The following RGS7 variants were observed in gnomAD, a reference collection of about 807,000 sequenced individuals.
The protein encoded by RGS7 is regulator of G protein signaling 7.
RGS7 carries 27 observed loss-of-function variants against 81.1 expected under a neutral mutation model. That is an observed-to-expected ratio of 0.33 (90% CI 0.25 to 0.46). The LOEUF (loss-of-function observed/expected upper bound fraction) is 0.46, where lower values mean the gene tolerates loss of function less well. RGS7 is among the 20% of genes least tolerant of loss of function. The probability of loss-of-function intolerance (pLI) is 1.00; values close to 1 mark genes in which losing one functional copy is unlikely to be tolerated. For synonymous variants in RGS7, 208 were observed against 207.7 expected, an observed-to-expected ratio of 1.00 and a Z score of -0.01; for missense variants, 396 against 607.4, an observed-to-expected ratio of 0.65 and a Z score of 3.66.
In RGS7 at chr1:241,164,584, G is replaced by A. The variant is rs966376107; in HGVS notation, c.79-65822C>T. On this transcript the variant is annotated intron_variant, in intron 2 of 18. Coordinates refer to ENST00000440928, the MANE Select transcript of RGS7 (RefSeq NM_001364886.1). The surrounding 1 kb of genome is among the most constrained non-coding windows in gnomAD (Gnocchi z 4.1). ...ATATATATTCTACAATATCACAGGA[G>A]TCCTTGACCAAACTAGATAGGCCAG... 6.6e-6 allele frequency among the ~76,000 whole-genome samples: 1 copy of A among 152,062 alleles called. No homozygotes were observed. The highest frequency in any genetic ancestry group is 1.5e-5 in the Non-Finnish European group (1 of 68,014).
rs543708338 is a variant in RGS7, at chr1:240,981,107, G to T, written c.226+1972C>A. 4.0e-3 allele frequency among the ~76,000 whole-genome samples: 594 copies of T among 150,096 alleles called. 3 individuals are homozygous for T. Among genetic ancestry groups the T allele is most frequent in the African/African-American group, 9.9e-3 (403 of 40,570 alleles). On this transcript the variant is annotated intron_variant, in intron 4 of 18. Coordinates refer to ENST00000440928, the MANE Select transcript of RGS7 (RefSeq NM_001364886.1). The stretch of plus-strand genomic sequence containing the variant: ...TGAACTACACCTTCAGGTTTTTTTT[G>T]TTTGTTTGTTTGTTTGTTTCGAGAC...
At chr1:241,232,958 T>C (rs2075747469) in intron 2 of RGS7, among the ~76,000 whole-genome samples, 2 of 152,188 alleles carry the variant, frequency 1.3e-5, no homozygotes, top group South Asian at 2.1e-4. Flanking sequence ...ATTATTGTAG[T>C]TTTGTAGGTC....
intron 2 of RGS7, among the ~76,000 whole-genome samples, chr1:241,310,735 A>G (rs967054117): frequency 1.1e-4 from 16 of 152,296 alleles, no homozygotes; most frequent in Non-Finnish European, 1.8e-4. Context: ...TACCCAATTC[A>G]GAACTGTCCT....
At chr1:241,257,333 T>C (rs912366351) in intron 2 of RGS7, among the ~76,000 whole-genome samples, 3 of 151,388 alleles carry the variant, frequency 2.0e-5, no homozygotes, top group Non-Finnish European at 4.4e-5. Context: ...AGGGCCTTCA[T>C]GATCTACTCA....
At chr1:241,147,780 T>TTATA (rs200770896) in intron 2 of RGS7, among the ~76,000 whole-genome samples, 2,479 of 44,412 alleles carry the variant, frequency 0.056, 195 homozygotes, top group South Asian at 0.083. Flanking sequence ...AGATTAAGTT[T>TTATA]TATATATATA....
At chr1:240,847,678 A>G (rs1257275108) in intron 9 of RGS7, among the ~76,000 whole-genome samples, 1 of 152,218 alleles carries the variant, frequency 6.6e-6, no homozygotes, top group Non-Finnish European at 1.5e-5. Context: ...TAAATTTTGC[A>G]TGAGACTTTT....
intron 2 of RGS7, among the ~76,000 whole-genome samples, chr1:241,133,032 G>A (rs1351035809): frequency 1.3e-5 from 2 of 152,172 alleles, no homozygotes; most frequent in Non-Finnish European, 2.9e-5. Context: ...AAAGTGCTGG[G>A]ATTACGGGCC....
intron 18 of RGS7, among the ~76,000 whole-genome samples, chr1:240,797,583 C>A (rs1285289133): frequency 6.6e-6 from 1 of 152,124 alleles, no homozygotes; most frequent in Non-Finnish European, 1.5e-5. Context: ...AACTCCTGAC[C>A]TCAGGTGATC....
intron 2 of RGS7, among the ~76,000 whole-genome samples, chr1:241,354,789 T>C (rs780837024): frequency 1.3e-5 from 2 of 152,204 alleles, no homozygotes; most frequent in Non-Finnish European, 2.9e-5. Context: ...TTTTTACCAT[T>C]GTTAGTGTTA....
In RGS7 at chr1:240,817,590, C is replaced by T. The variant is rs112939029; in HGVS notation, c.685-1175G>A. On this transcript the variant is annotated intron_variant, in intron 10 of 18. Transcript: ENST00000440928. The stretch of plus-strand genomic sequence containing the variant: ...GATGTGGTTTTGCCCTTGTGTCTCC[C>T]GCCCTCCGTCCTTTTTATTTTTATT... Among the ~76,000 whole-genome samples the T allele has an allele frequency of 1.4e-3, 212 of 152,120 alleles. 1 individual carries two copies. The highest frequency in any genetic ancestry group is 4.8e-3 in the African/African-American group (200 of 41,510).
intron 3 of RGS7, among the ~76,000 whole-genome samples, chr1:240,993,115 GAAGGAAGGAAGGAAGGA>G (rs1167917371): frequency 3.3e-5 from 2 of 60,374 alleles, no homozygotes; most frequent in Non-Finnish European, 7.8e-5. Context: ...GGGAGGGAGG[GAAGGAAGGAAGGAAGGA>G]AGGAGGAAAG....
At chr1:241,128,310 G>A (rs377427059) in intron 2 of RGS7, among the ~76,000 whole-genome samples, 15 of 149,028 alleles carry the variant, frequency 1.0e-4, no homozygotes, top group East Asian at 6.0e-4. Flanking sequence ...ATGGCCAGGT[G>A]CGGTGGCTCA....
At chr1:241,049,787 C>T (rs990397668) in intron 3 of RGS7, among the ~76,000 whole-genome samples, 2 of 152,120 alleles carry the variant, frequency 1.3e-5, no homozygotes, top group Non-Finnish European at 2.9e-5. Flanking sequence ...AGCTGCTGAA[C>T]ATCTCAATAA....
At chr1:241,214,850 G>C (rs1234608864) in intron 2 of RGS7, among the ~76,000 whole-genome samples, 1 of 151,818 alleles carries the variant, frequency 6.6e-6, no homozygotes, top group African/African-American at 2.4e-5. Flanking sequence ...ATTTACATTT[G>C]CTTTATTTTT....
At chr1:240,887,196 A>G (rs1054976710) in intron 6 of RGS7, among the ~76,000 whole-genome samples, 2 of 150,074 alleles carry the variant, frequency 1.3e-5, no homozygotes, top group African/African-American at 2.5e-5. Flanking sequence ...TAAATGAAAT[A>G]TCCTTTTGAA....
At chr1:240,983,715 G>C (rs1685257405) in intron 3 of RGS7, among the ~76,000 whole-genome samples, 1 of 152,138 alleles carries the variant, frequency 6.6e-6, no homozygotes, top group Non-Finnish European at 1.5e-5. Flanking sequence ...TCACAGTACT[G>C]TCCATGAAAC....
At chr1:241,125,693 A>G (rs1369228340) in intron 2 of RGS7, among the ~76,000 whole-genome samples, 1 of 152,268 alleles carries the variant, frequency 6.6e-6, no homozygotes, top group Non-Finnish European at 1.5e-5. Flanking sequence ...TTAGAAAATA[A>G]TAAGTGTGTA....
intron 3 of RGS7, among the ~76,000 whole-genome samples, chr1:241,052,816 A>G (rs1384457984): frequency 6.6e-6 from 1 of 151,746 alleles, no homozygotes; most frequent in Non-Finnish European, 1.5e-5. Context: ...TTGACAGAAC[A>G]CTGATTTCTG....
intron 2 of RGS7, among the ~76,000 whole-genome samples, chr1:241,339,928 A>G (rs2082442626): frequency 6.6e-6 from 1 of 152,212 alleles, no homozygotes; most frequent in African/African-American, 2.4e-5. Flanking sequence ...AAGGACAGAA[A>G]GGTTTATCAC....
Sources: allele counts gnomAD v4.1 joint callset (sites outside exome capture counted in the v4.1 genomes callset), GRCh38; gene constraint gnomAD v4.1.1; non-coding constraint Gnocchi (gnomAD v3.1); transcripts MANE v1.5; gene names NCBI Gene and HGNC (gene_info 2026-07-23, HGNC 2026-07-21).